The following NKIRAS1 variants were observed in gnomAD, a reference collection of about 807,000 sequenced individuals.
NKIRAS1 encodes the protein NFKB inhibitor interacting Ras like 1, also known as NF-kappa-B inhibitor-interacting Ras-like protein 1.
In NKIRAS1, 16 loss-of-function variants were observed where a neutral mutation model predicts 19.8. The observed-to-expected ratio is 0.81, with a 90% CI of 0.55 to 1.23. The LOEUF is 1.23. Ranked by LOEUF, NKIRAS1 falls within the 50% of genes most tolerant of loss-of-function variation. The pLI is 0.00. For missense variants in NKIRAS1, 184 were observed against 220.0 expected, an observed-to-expected ratio of 0.84 and a Z score of 1.04; for synonymous variants, 88 against 79.0, an observed-to-expected ratio of 1.11 and a Z score of -0.61.
intron 3 of NKIRAS1, among the ~76,000 whole-genome samples, chr3:23,908,615 G>A (rs563274423): frequency 1.3e-5 from 2 of 152,134 alleles, no homozygotes; most frequent in East Asian, 1.9e-4. Flanking sequence ...GTTATTTTAG[G>A]ATATAATGAG....
intron 1 of NKIRAS1, among the ~76,000 whole-genome samples, chr3:23,930,907 T>C (rs1328273983): frequency 6.8e-6 from 1 of 146,328 alleles, no homozygotes; most frequent in Non-Finnish European, 1.5e-5. Context: ...AATTTTGCCA[T>C]GTTGCCCAGC....
At position 23,927,734 on chromosome 3, in the gene NKIRAS1, AT is replaced by A. The variant is rs1421723857; in HGVS notation, c.-139-16285del. ...CATACTATTTAGCTTCCCGAGGTTG[AT>A]TATTAACTAAGCTAGGATGTTTTGC... On this transcript the variant is annotated intron_variant, in intron 1 of 4. Transcript: ENST00000421515. The surrounding 1 kb of genome is among the most constrained non-coding windows in gnomAD (Gnocchi z 4.0). Among the ~76,000 whole-genome samples the A allele has an allele frequency of 2.0e-5, 3 of 152,186 alleles. No homozygotes were observed. Among genetic ancestry groups the A allele is most frequent in the Admixed American group, 6.5e-5 (1 of 15,286 alleles).
At chr3:23,920,376 G>A (rs1051306309), upstream of NKIRAS1, 56 of 985,140 alleles carry the variant, frequency 5.7e-5, no homozygotes, top group Non-Finnish European at 6.3e-5. Flanking sequence ...AGTCACAAGC[G>A]CATGGTTTCC....
upstream of NKIRAS1, chr3:23,919,536 A>G (rs1171308697): frequency 2.0e-6 from 3 of 1,489,102 alleles, no homozygotes; most frequent in African/African-American, 1.4e-5. Context: ...TACTTAATAA[A>G]CAATTTAGGA....
chr3:23,926,285 T>C lies in NKIRAS1; in HGVS notation c.-139-14835A>G, dbSNP rs1221461237. Among the ~76,000 whole-genome samples the C allele has an allele frequency of 1.3e-5, 2 of 152,162 alleles. No individual in the cohort carries two copies. Among genetic ancestry groups the C allele is most frequent in the East Asian group, 3.8e-4 (2 of 5,196 alleles). Reference sequence around the variant, plus strand: ...CAGGCTGGTCTCAAACGCCTGACCTTAGGTGATCCACCTGCCTTGGACTCC... The same window carrying C: ...CAGGCTGGTCTCAAACGCCTGACCTCAGGTGATCCACCTGCCTTGGACTCC... On this transcript the variant is annotated intron_variant, in intron 1 of 4. Transcript: ENST00000421515. This position sits in a 1 kb window ranked among gnomAD's most constrained non-coding sequence, Gnocchi z 4.3.
At chr3:23,930,253 C>CTT (rs1705284304) in intron 1 of NKIRAS1, among the ~76,000 whole-genome samples, 1 of 152,142 alleles carries the variant, frequency 6.6e-6, no homozygotes, top group Admixed American at 6.6e-5. Flanking sequence ...AACACCCTGA[C>CTT]AGCCATGGCG....
In NKIRAS1 at chr3:23,903,441, G is replaced by T. The variant is rs1267701292; in HGVS notation, c.95-2392C>A. 3.3e-5 allele frequency among the ~76,000 whole-genome samples: 5 copies of T among 151,962 alleles called. No individual in the cohort carries two copies. The East Asian group carries it at 7.7e-4, about 23-fold the overall frequency. On this transcript the variant is annotated intron_variant, in intron 3 of 4. Transcript: ENST00000425478. The stretch of plus-strand genomic sequence containing the variant: ...AGGGGTCCATTTTTAATTATGAACA[G>T]ATAACCAAGGTTTAGCAGACACCTG...
rs930281783 is a variant in NKIRAS1 at position 23,924,770 on chromosome 3, G to A, written c.-139-13320C>T. Among the ~76,000 whole-genome samples the A allele has an allele frequency of 4.6e-5, 7 of 152,168 alleles. No homozygotes were observed. In the East Asian group the frequency reaches 5.8e-4, roughly 13 times the overall value. On this transcript the variant is annotated intron_variant, in intron 1 of 4. Coordinates refer to the NKIRAS1 transcript ENST00000421515. ...CTTCAAATTTCAACTGTTCATTTTC[G>A]CCTTTCAATTCTAAGTTCTGATTTC...
upstream of NKIRAS1, chr3:23,921,965 C>G (rs1705102747): frequency 4.5e-6 from 1 of 219,828 alleles, no homozygotes; most frequent in East Asian, 9.8e-5. Context: ...CTTGGCCTCC[C>G]AAAGTGCTGG....
intron 1 of NKIRAS1, chr3:23,945,566 C>G: frequency 8.6e-7 from 1 of 1,167,612 alleles, no homozygotes; most frequent in Non-Finnish European, 1.1e-6. Flanking sequence ...CCGGCCGCCT[C>G]CGCGAGGGCA....
chr3:23,920,126 A>G (rs1704991604), upstream of NKIRAS1: 4 of 985,928 alleles, frequency 4.1e-6, no homozygotes, highest in Non-Finnish European at 4.8e-6. Flanking sequence ...TTGGTAAGCT[A>G]GCAATGAATG....
At chr3:23,921,570 G>GTTGTGTTTTTTT, upstream of NKIRAS1, 1 of 508,322 alleles carries the variant, frequency 2.0e-6, no homozygotes, top group Non-Finnish European at 3.5e-6. Flanking sequence ...TGATTATTGA[G>GTTGTGTTTTTTT]TTTTTTTTTT....
chr3:23,938,518 A>G (rs941703947), intron 1 of NKIRAS1, among the ~76,000 whole-genome samples: 8 of 152,144 alleles, frequency 5.3e-5, no homozygotes, highest in African/African-American at 1.9e-4. Flanking sequence ...AGCCATGTTA[A>G]AATTTTAACA....
At chr3:23,945,073 C>T (rs1435066481) in intron 1 of NKIRAS1, among the ~76,000 whole-genome samples, 2 of 150,374 alleles carry the variant, frequency 1.3e-5, no homozygotes, top group African/African-American at 4.9e-5. Flanking sequence ...AAGAGGTTTA[C>T]GGCACGGAGG....
intron 1 of NKIRAS1, among the ~76,000 whole-genome samples, chr3:23,936,593 C>T (rs928584348): frequency 6.6e-6 from 1 of 152,076 alleles, no homozygotes; most frequent in Non-Finnish European, 1.5e-5. Context: ...GTCGCCCAGG[C>T]TGGAGTGCAG....
At chr3:23,897,702 C>T (rs1432290637) in intron 4 of NKIRAS1, among the ~76,000 whole-genome samples, 2 of 152,182 alleles carry the variant, frequency 1.3e-5, no homozygotes, top group Non-Finnish European at 2.9e-5. Context: ...TGTTCCCTCC[C>T]TCCTTACCTC....
intron 1 of NKIRAS1, among the ~76,000 whole-genome samples, chr3:23,938,436 C>T (rs1021606415): frequency 2.6e-5 from 4 of 151,970 alleles, no homozygotes; most frequent in African/African-American, 4.8e-5. Context: ...GGTCTTGAAC[C>T]CTTGGGCTTA....
intron 1 of NKIRAS1, among the ~76,000 whole-genome samples, chr3:23,945,796 C>T (rs1166271794): frequency 6.6e-6 from 1 of 150,582 alleles, no homozygotes; most frequent in Non-Finnish European, 1.5e-5. Context: ...CCTGCAAAGC[C>T]GCAGCGCGGC....
intron 1 of NKIRAS1, among the ~76,000 whole-genome samples, chr3:23,942,627 C>T (rs954380990): frequency 5.3e-5 from 8 of 152,030 alleles, no homozygotes; most frequent in Non-Finnish European, 8.8e-5. Flanking sequence ...GACGGGGTTT[C>T]TCCACGTTGG....
Sources: gnomAD v4.1 joint callset for allele counts (sites outside exome capture counted in the v4.1 genomes callset) on GRCh38, gnomAD v4.1.1 for gene constraint, Gnocchi (gnomAD v3.1) non-coding constraint, MANE v1.5 for transcripts, NCBI Gene and HGNC (gene_info 2026-07-23, HGNC 2026-07-21) for gene names.